ENO4: variants seen among roughly 807,000 people sequenced by gnomAD.
ENO4 encodes 2-phospho-D-glycerate hydro-lyase.
In ENO4, 53 loss-of-function variants were observed where a neutral mutation model predicts 63.2. The observed-to-expected ratio is 0.84, with a 90% confidence interval of 0.67 to 1.05. The LOEUF (loss-of-function observed/expected upper bound fraction) is 1.05, where lower values mean the gene tolerates loss of function less well. Among genes scored for constraint, ENO4 ranks in the 50% least tolerant of loss-of-function variants. The pLI is 0.00. For synonymous variants in ENO4, 266 were observed against 283.8 expected, an observed-to-expected ratio of 0.94 and a Z score of 0.63; for missense variants, 719 against 772.0, an observed-to-expected ratio of 0.93 and a Z score of 0.81.
intron 1 of ENO4, among the ~76,000 whole-genome samples, chr10:116,852,205 G>A (rs1237665735): frequency 1.3e-5 from 2 of 152,152 alleles, no homozygotes; most frequent in Non-Finnish European, 2.9e-5. Context: ...CACCATGATT[G>A]TAAGTTTCCT....
At chr10:116,900,588 A>T in intron 10 of ENO4, 1 of 1,531,854 alleles carries the variant, frequency 6.5e-7, no homozygotes, top group Non-Finnish European at 8.7e-7. Flanking sequence ...ACACTGAAGC[A>T]TTTATCAGAA....
intron 11 of ENO4, among the ~76,000 whole-genome samples, chr10:116,878,965 G>C (rs1333905720): frequency 1.3e-5 from 2 of 151,912 alleles, no homozygotes; most frequent in African/African-American, 2.4e-5. Flanking sequence ...GGATGGTCTC[G>C]ATCTCCTGAC....
intron 6 of ENO4, among the ~76,000 whole-genome samples, chr10:116,861,561 T>C (rs932149164): frequency 1.3e-5 from 2 of 152,184 alleles, no homozygotes; most frequent in Non-Finnish European, 2.9e-5. Context: ...CCCACTCTGT[T>C]AAGTAAGAAC....
Position 116,855,701 on chromosome 10 carries a change from C to A in ENO4, c.244C>A (p.Leu82Ile). ...VGKDVLDGLG[L>I]PTLQVDIFCT... ...GAAAGACGTACTAGATGGACTGGGG[C>A]TTCCAACCCTGCAAGTGGACATATT... Residue 82 changes from leucine (L) to isoleucine (I), a missense_variant, in exon 2 of 14, where the codon CTT (leucine) becomes ATT (isoleucine). Physicochemically the swap from Leu to Ile is conservative, Grantham distance 5. Coordinates refer to ENST00000341276, the MANE Select transcript of ENO4 (RefSeq NM_001242699.2). 1 of 1,536,544 alleles carries A rather than the reference C, an allele frequency of 6.5e-7. No homozygotes were observed. The highest frequency in any genetic ancestry group is 8.7e-7 in the Non-Finnish European group (1 of 1,147,008).
chr10:116,901,787 T>G (rs1847747712), intron 10 of ENO4: 1 of 1,602,966 alleles, frequency 6.2e-7, no homozygotes, highest in African/African-American at 1.4e-5. Flanking sequence ...TTGGAACTTG[T>G]GCATCCTTCC....
At chr10:116,896,201 C>T (rs1292141822) in intron 10 of ENO4, among the ~76,000 whole-genome samples, 1 of 152,092 alleles carries the variant, frequency 6.6e-6, no homozygotes, top group Non-Finnish European at 1.5e-5. Context: ...CTATATCAAC[C>T]AAGAACATCA....
Position 116,861,137 on chromosome 10 carries a change from A to C in ENO4, c.883A>C (p.Asn295His), listed in dbSNP as rs192163696. The C allele has an allele frequency of 3.9e-6, 6 of 1,547,368 alleles. No individual in the cohort carries two copies. In the Admixed American group the frequency reaches 9.8e-5, roughly 25 times the overall value. ...TGGGAAGTCATCATCTGGGAAGCTA[A>C]ATTTAATGAAAGAAGTGATTTGTAT... ...SCGKSSSGKL[N>H]LMKEVICIPH... The change falls in exon 6 of 14, where the codon AAT becomes CAT. Residue 295 changes from asparagine (N) to histidine (H), a missense_variant. By Grantham distance (68) the Asn-to-His change is moderately conservative. Coordinates refer to ENST00000341276, the MANE Select transcript of ENO4 (RefSeq NM_001242699.2).
At chr10:116,889,519 A>G (rs1589775264) in intron 10 of ENO4, among the ~76,000 whole-genome samples, 1 of 152,278 alleles carries the variant, frequency 6.6e-6, no homozygotes, top group East Asian at 1.9e-4. Context: ...TCCCAGTGGA[A>G]GGTGGAAAGG....
chr10:116,865,953 A>G (rs576302971), intron 7 of ENO4, among the ~76,000 whole-genome samples: 1 of 152,302 alleles, frequency 6.6e-6, no homozygotes, highest in Admixed American at 6.5e-5. Context: ...TAACTCATTC[A>G]ATCTGCATAA....
intron 13 of ENO4, among the ~76,000 whole-genome samples, chr10:116,880,518 T>C (rs997102869): frequency 1.3e-5 from 2 of 152,164 alleles, no homozygotes; most frequent in African/African-American, 2.4e-5. Flanking sequence ...ACACCAAATA[T>C]GCATTTTTAT....
At chr10:116,893,229 G>A (rs895596941) in intron 10 of ENO4, among the ~76,000 whole-genome samples, 4 of 152,066 alleles carry the variant, frequency 2.6e-5, no homozygotes, top group South Asian at 2.1e-4. Context: ...CCTTGGCAGC[G>A]GGGGAAGGAA....
chr10:116,871,474 A>AT (rs1454774045), intron 9 of ENO4, among the ~76,000 whole-genome samples, 182 bp downstream of exon 9: 2 of 152,220 alleles, frequency 1.3e-5, no homozygotes, highest in Non-Finnish European at 2.9e-5. Context: ...ACAGAATAAC[A>AT]TAACCATAAA....
rs189814155 is a variant in ENO4 at position 116,853,034 on chromosome 10, G to A, written c.166-2589G>A. Among the ~76,000 whole-genome samples, 29 of 152,260 alleles carry A rather than the reference G, an allele frequency of 1.9e-4. 1 individual carries two copies. The East Asian group carries it at 2.9e-3, about 15-fold the overall frequency. On this transcript the variant is annotated intron_variant, in intron 1 of 13. Transcript: ENST00000341276. ...ATAATGGCCGGGCGCGGTGGCTCAC[G>A]CCTGTAATCCCAGCACTTTGGGAGG...
At chr10:116,893,597 C>CACACACACACACACACACACACACACAT (rs3981216) in intron 10 of ENO4, among the ~76,000 whole-genome samples, 1 of 151,340 alleles carries the variant, frequency 6.6e-6, no homozygotes, top group African/African-American at 2.4e-5. Flanking sequence ...CACACACACA[C>CACACACACACACACACACACACACACAT]GAGAAAGAAA....
At chr10:116,873,107 T>G (rs2133273471) in intron 9 of ENO4, among the ~76,000 whole-genome samples, 1 of 152,304 alleles carries the variant, frequency 6.6e-6, no homozygotes, top group South Asian at 2.1e-4. Flanking sequence ...ATCAGATAAT[T>G]CTTACAATAT....
chr10:116,870,734 G>C (rs1846668690), intron 8 of ENO4, among the ~76,000 whole-genome samples: 1 of 152,188 alleles, frequency 6.6e-6, no homozygotes, highest in Non-Finnish European at 1.5e-5. Context: ...GAAAGAGCAG[G>C]TTTGGAGGAA....
At chr10:116,902,069 G>T in intron 10 of ENO4, 1 of 947,000 alleles carries the variant, frequency 1.1e-6, no homozygotes, top group Non-Finnish European at 1.5e-6. Flanking sequence ...GGCCAAGTTT[G>T]TTAAAATTTC....
chr10:116,868,548 A>G, intron 7 of ENO4, 102 bp from the exon 8 acceptor site: 1 of 923,934 alleles, frequency 1.1e-6, no homozygotes, highest in South Asian at 1.4e-5. Context: ...CACGTGTGTG[A>G]GATTCAGTGT....
chr10:116,885,004 G>A (rs1847120848), downstream of ENO4: 1 of 152,422 alleles, frequency 6.6e-6, no homozygotes, highest in Non-Finnish European at 1.5e-5. Flanking sequence ...TCATTATTGG[G>A]AGAACATGGA....
Sources: allele counts gnomAD v4.1 joint callset (sites outside exome capture counted in the v4.1 genomes callset), GRCh38; gene constraint gnomAD v4.1.1; transcripts MANE v1.5; gene names NCBI Gene and HGNC (gene_info 2026-07-23, HGNC 2026-07-21).